ZNF486: variants seen among roughly 807,000 people sequenced by gnomAD.
The protein encoded by ZNF486 is zinc finger protein 486.
ZNF486 carries 12 observed loss-of-function variants against 12.8 expected under a neutral mutation model. The observed-to-expected ratio is 0.94, with a 90% CI of 0.60 to 1.52. The LOEUF (loss-of-function observed/expected upper bound fraction) is 1.52, where lower values mean the gene tolerates loss of function less well. Among genes scored for constraint, ZNF486 ranks in the 40% most tolerant of loss-of-function variants. The pLI is 0.00. For synonymous variants in ZNF486, 231 were observed against 184.9 expected, an observed-to-expected ratio of 1.25 and a Z score of -2.02; for missense variants, 738 against 545.0, an observed-to-expected ratio of 1.35 and a Z score of -3.53.
intron 1 of ZNF486, among the ~76,000 whole-genome samples, chr19:20,179,525 G>A (rs1430272753): frequency 6.6e-6 from 1 of 152,032 alleles, no homozygotes; most frequent in Non-Finnish European, 1.5e-5. Context: ...TGTTAGAGCA[G>A]CCTCTATGAG....
intron 1 of ZNF486, among the ~76,000 whole-genome samples, chr19:20,167,765 G>T (rs1229910818): frequency 6.6e-6 from 1 of 152,096 alleles, no homozygotes; most frequent in African/African-American, 2.4e-5. Context: ...TTATGGGGCC[G>T]GGCGCGGTGG....
intron 3 of ZNF486, among the ~76,000 whole-genome samples, chr19:20,187,131 A>G (rs1338677855): frequency 2.6e-5 from 4 of 151,786 alleles, no homozygotes; most frequent in Non-Finnish European, 5.9e-5. Flanking sequence ...GTTTTTTTCT[A>G]AGAAGTTTAT....
chr19:20,178,532 G>A (rs749973285), intron 1 of ZNF486, among the ~76,000 whole-genome samples: 6 of 152,172 alleles, frequency 3.9e-5, no homozygotes, highest in East Asian at 1.9e-4. Flanking sequence ...GTGAGCCACC[G>A]CGCCTGGCCA....
chr19:20,195,054 C>T (rs1406387484), intron 3 of ZNF486, among the ~76,000 whole-genome samples: 1 of 151,984 alleles, frequency 6.6e-6, no homozygotes, highest in Non-Finnish European at 1.5e-5. Flanking sequence ...GTCACCGAGG[C>T]TGGAGTGCAG....
chr19:20,194,653 G>A (rs978012780), intron 3 of ZNF486, among the ~76,000 whole-genome samples: 5 of 152,050 alleles, frequency 3.3e-5, no homozygotes, highest in South Asian at 2.1e-4. Flanking sequence ...CCTTGAACCC[G>A]GGAGTTGGAG....
At chr19:20,181,346 T>C (rs536421882) in intron 1 of ZNF486, among the ~76,000 whole-genome samples, 44 of 152,256 alleles carry the variant, frequency 2.9e-4, no homozygotes, top group South Asian at 6.2e-4. Flanking sequence ...GAGACCATCC[T>C]GGCTAACACG....
At chr19:20,188,190 G>A (rs1194619949) in intron 3 of ZNF486, among the ~76,000 whole-genome samples, 1 of 152,080 alleles carries the variant, frequency 6.6e-6, no homozygotes, top group Non-Finnish European at 1.5e-5. Context: ...TCTTGTTTAA[G>A]TGAGTAGTCA....
At chr19:20,189,601 C>T (rs1555716925) in intron 3 of ZNF486, among the ~76,000 whole-genome samples, 1 of 152,038 alleles carries the variant, frequency 6.6e-6, no homozygotes, top group East Asian at 1.9e-4. Flanking sequence ...TAATTTTGTG[C>T]ATTCTTTCAA....
At chr19:20,185,407 T>G (rs1369661343) in intron 2 of ZNF486, among the ~76,000 whole-genome samples, 2 of 125,066 alleles carry the variant, frequency 1.6e-5, no homozygotes, top group Non-Finnish European at 1.6e-5. Context: ...TGTTTATGTT[T>G]TTTTTTTTTT....
intron 3 of ZNF486, among the ~76,000 whole-genome samples, chr19:20,190,068 T>G (rs1426719096): frequency 2.0e-5 from 3 of 152,242 alleles, no homozygotes; most frequent in African/African-American, 4.8e-5. Flanking sequence ...CTTTTCTCTA[T>G]TTTGTACTCA....
chr19:20,200,090 ATT>A lies in ZNF486; in HGVS notation c.*1990_*1991del, dbSNP rs1240184533. On this transcript the variant is annotated 3_prime_UTR_variant, in exon 4 of 4. Transcript: ENST00000335117. ...GACTCCATCTCAAAAAAAAAAGTGT[ATT>A]TGTTTCCTTAAAAAAATTTTTCTGA... 1 of 151,972 alleles carries A rather than the reference ATT, an allele frequency of 6.6e-6. No individual in the cohort carries two copies. Among genetic ancestry groups the A allele is most frequent in the African/African-American group, 2.4e-5 (1 of 41,378 alleles). The allele number at this position is 151,972 out of a possible 1,614,324, so 9.4% of individuals were successfully genotyped here. A position where few individuals can be genotyped will look rare whatever the true frequency, so the allele number is the denominator to read the frequency against.
At chr19:20,167,442 G>T in intron 1 of ZNF486, 82 bp downstream of exon 1, 1 of 1,490,586 alleles carries the variant, frequency 6.7e-7, no homozygotes, top group East Asian at 2.3e-5. Flanking sequence ...AGGCCTCCCC[G>T]TAGTCAGCTC....
chr19:20,177,256 CTG>C lies in ZNF486; in HGVS notation c.31-7098_31-7097del, dbSNP rs559485898. ...GTGAGTACAGAGCCACTCCTCTAAA[CTG>C]TAACTAGCCAAAATATAGAACACTA... On this transcript the variant is annotated intron_variant, in intron 1 of 3. Transcript: ENST00000335117. Among the ~76,000 whole-genome samples, 431 of 152,358 alleles carry C rather than the reference CTG, an allele frequency of 2.8e-3. 1 individual carries two copies. The highest frequency in any genetic ancestry group is 4.6e-3 in the Non-Finnish European group (310 of 68,036).
At chr19:20,192,611 T>C (rs1555717343) in intron 3 of ZNF486, among the ~76,000 whole-genome samples, 1 of 152,184 alleles carries the variant, frequency 6.6e-6, no homozygotes, top group Non-Finnish European at 1.5e-5. Context: ...CCTGGCCTCA[T>C]TTAACTTTGA....
chr19:20,180,828 A>C (rs2089776695), intron 1 of ZNF486, among the ~76,000 whole-genome samples: 1 of 152,094 alleles, frequency 6.6e-6, no homozygotes, highest in Non-Finnish European at 1.5e-5. Context: ...CCAGCTGTAT[A>C]ATTTCTACTT....
In ZNF486 at chr19:20,167,247, C is replaced by G. The variant is rs1555713105; in HGVS notation, c.-84C>G. 1 of 1,576,766 alleles carries G rather than the reference C, an allele frequency of 6.3e-7. No individual in the cohort carries two copies. The highest frequency in any genetic ancestry group is 1.7e-5 in the Admixed American group (1 of 59,868). On this transcript the variant is annotated 5_prime_UTR_variant, in exon 1 of 4. Transcript: ENST00000335117. ...CTGCATCTGGAGCTCTAGGTCGCCT[C>G]TTCGCTACTCTGTGTCCTCTGCTCC... is the stretch of plus-strand genomic sequence containing the variant.
Position 20,193,427 on chromosome 19 carries a change from C to T in ZNF486, c.254-3537C>T, listed in dbSNP as rs13344637. On this transcript the variant is annotated intron_variant, in intron 3 of 3. Transcript: ENST00000335117. The stretch of plus-strand genomic sequence containing the variant: ...CTGTGTTCTCAGCACTTTGGGAGGC[C>T]GAGGTGGGTGAATCAGAAGGTCAGG... 9.1e-3 allele frequency among the ~76,000 whole-genome samples: 1,379 copies of T among 151,510 alleles called. 12 individuals are homozygous for T. Among genetic ancestry groups the T allele is most frequent in the African/African-American group, 0.025 (1,019 of 41,314 alleles).
chr19:20,200,188 T>C lies in ZNF486; in HGVS notation c.*2086T>C, dbSNP rs1218012615. The C allele has an allele frequency of 6.6e-6, 1 of 152,190 alleles. No homozygotes were observed. The highest frequency in any genetic ancestry group is 6.6e-5 in the Admixed American group (1 of 15,256). 9.4% of individuals were successfully genotyped at this position (152,190 alleles called of 1,614,324 possible). A position where few individuals can be genotyped will look rare whatever the true frequency, so the allele number is the denominator to read the frequency against. On this transcript the variant is annotated 3_prime_UTR_variant, in exon 4 of 4. Transcript: ENST00000335117. Reference sequence around the variant, plus strand: ...TTATTTTATTCTTATTGTATTCACATGTGAAAGCATGTGATCAATTTTTGC... The same window carrying C: ...TTATTTTATTCTTATTGTATTCACACGTGAAAGCATGTGATCAATTTTTGC...
chr19:20,183,678 G>C (rs1009638046), intron 1 of ZNF486, among the ~76,000 whole-genome samples: 2 of 140,726 alleles, frequency 1.4e-5, no homozygotes, highest in African/African-American at 6.1e-5. Context: ...TCACTATAGA[G>C]ATAATTATTT....
Sources: gnomAD v4.1 joint callset for allele counts (sites outside exome capture counted in the v4.1 genomes callset) on GRCh38, gnomAD v4.1.1 for gene constraint, MANE v1.5 for transcripts, NCBI Gene and HGNC (gene_info 2026-07-23, HGNC 2026-07-21) for gene names.